The following KIF6 variants were observed in gnomAD, a reference collection of about 807,000 sequenced individuals.
KIF6 encodes kinesin-like protein KIF6.
Under a neutral mutation model 112.7 loss-of-function variants are expected in KIF6, and 106 were observed. The ratio of observed to expected loss-of-function variants is 0.94; its 90% CI spans 0.80 to 1.11. The LOEUF (loss-of-function observed/expected upper bound fraction) is 1.11. KIF6 is among the 50% of genes least tolerant of loss of function. The pLI is 0.00. For missense variants in KIF6, 929 were observed against 964.0 expected, an observed-to-expected ratio of 0.96 and a Z score of 0.48; for synonymous variants, 339 against 339.9, an observed-to-expected ratio of 1.00 and a Z score of 0.03.
intron 13 of KIF6, among the ~76,000 whole-genome samples, chr6:39,534,984 A>T (rs1778327289): frequency 6.6e-6 from 1 of 152,236 alleles, no homozygotes; most frequent in Admixed American, 6.5e-5. Flanking sequence ...TGAAGGAGAA[A>T]TAAAATACTT....
intron 10 of KIF6, among the ~76,000 whole-genome samples, chr6:39,547,700 G>T (rs1779138407): frequency 6.6e-6 from 1 of 152,124 alleles, no homozygotes; most frequent in Non-Finnish European, 1.5e-5. Context: ...TTACAAAAAT[G>T]AGATCATAGT....
chr6:39,714,782 T>C lies in KIF6; in HGVS notation c.177-16A>G, dbSNP rs1200937661. On this transcript the variant is annotated splice_polypyrimidine_tract_variant and intron_variant, in intron 2 of 22. Transcript: ENST00000287152. ...TCTTTGAAATCTGCAATGTGAAAAA[T>C]AGTAATTATTTAAAAGCTGCACCTC... 5 of 1,546,750 alleles carry C rather than the reference T, an allele frequency of 3.2e-6. No individual in the cohort carries two copies. Among genetic ancestry groups the C allele is most frequent in the South Asian group, 1.1e-5 (1 of 88,886 alleles).
At chr6:39,694,423 G>A (rs1788407495) in intron 3 of KIF6, among the ~76,000 whole-genome samples, 1 of 152,162 alleles carries the variant, frequency 6.6e-6, no homozygotes, top group Non-Finnish European at 1.5e-5. Flanking sequence ...AAACCTTAAG[G>A]ATTCTGCCGA....
At chr6:39,581,661 T>C (rs902645539) in intron 9 of KIF6, among the ~76,000 whole-genome samples, 3 of 149,814 alleles carry the variant, frequency 2.0e-5, no homozygotes, top group African/African-American at 7.3e-5. Flanking sequence ...GTGGATAGAT[T>C]TTTTTTTTTA....
chr6:39,721,850 A>T (rs1406924493), intron 1 of KIF6, among the ~76,000 whole-genome samples: 1 of 150,592 alleles, frequency 6.6e-6, no homozygotes, highest in African/African-American at 2.4e-5. Flanking sequence ...TTTTACCATG[A>T]AATAAAATTC....
chr6:39,634,037 G>T (rs116601077), intron 5 of KIF6, among the ~76,000 whole-genome samples: 10,087 of 152,180 alleles, frequency 0.066, 402 homozygotes, highest in Middle Eastern at 0.11. Context: ...TTCAAGAATT[G>T]GATAGTCCTT....
At chr6:39,504,212 C>A (rs972807329) in intron 13 of KIF6, among the ~76,000 whole-genome samples, 3 of 152,134 alleles carry the variant, frequency 2.0e-5, no homozygotes, top group African/African-American at 7.2e-5. Context: ...AAACACAAAT[C>A]AATAAATGTG....
intron 7 of KIF6, among the ~76,000 whole-genome samples, chr6:39,592,291 A>G (rs1253457879): frequency 1.3e-5 from 2 of 152,242 alleles, no homozygotes; most frequent in African/African-American, 4.8e-5. Context: ...CTTGCAATCA[A>G]TAATTCTATT....
chr6:39,725,169 C>G, intron 1 of KIF6, 76 bp downstream of exon 1: 1 of 1,303,224 alleles, frequency 7.7e-7, no homozygotes, highest in Non-Finnish European at 1.1e-6. Context: ...CTCCGCCCAG[C>G]CCCTTCGCGT....
chr6:39,437,198 G>A lies in KIF6; in HGVS notation c.1646-6037C>T, dbSNP rs991688031. Among the ~76,000 whole-genome samples the A allele has an allele frequency of 2.5e-4, 38 of 152,202 alleles. 1 individual carries two copies. Among genetic ancestry groups the A allele is most frequent in the African/African-American group, 8.4e-4 (35 of 41,544 alleles). On this transcript the variant is annotated intron_variant, in intron 13 of 22. Coordinates refer to ENST00000287152, the MANE Select transcript of KIF6 (RefSeq NM_145027.6). ...CCTTGTTGATGTAAGCAGAACTACT[G>A]ATTTGTCTACATTTATTTTGTAAAC... is the stretch of plus-strand genomic sequence containing the variant.
At chr6:39,595,903 GT>G in intron 7 of KIF6, 150 bp downstream of exon 7, 1 of 601,344 alleles carries the variant, frequency 1.7e-6, no homozygotes, top group East Asian at 2.8e-5. Flanking sequence ...ATGCCATTGA[GT>G]TGTACACTTA....
intron 8 of KIF6, 97 bp from the exon 9 acceptor site, chr6:39,585,081 C>A (rs1358582006): frequency 2.7e-6 from 2 of 731,888 alleles, no homozygotes; most frequent in Non-Finnish European, 4.7e-6. Flanking sequence ...AAGATACACA[C>A]CTAAAAAGTG....
intron 3 of KIF6, among the ~76,000 whole-genome samples, chr6:39,696,133 G>C (rs1788523543): frequency 6.6e-6 from 1 of 152,088 alleles, no homozygotes; most frequent in Non-Finnish European, 1.5e-5. Context: ...CCAAAAAGGG[G>C]GAGTGGAGGG....
Position 39,342,600 on chromosome 6 carries a change from T to A in KIF6, c.2428+1109A>T, listed in dbSNP as rs888805082. Among the ~76,000 whole-genome samples, 12 of 137,588 alleles carry A rather than the reference T, an allele frequency of 8.7e-5. No individual in the cohort carries two copies. The highest frequency in any genetic ancestry group is 1.4e-4 in the Non-Finnish European group (9 of 65,326). 90.3% of individuals were successfully genotyped at this position (137,588 alleles called of 152,430 possible). A position where few individuals can be genotyped will look rare whatever the true frequency, so the allele number is the denominator to read the frequency against. Reference sequence around the variant, plus strand: ...TTGGAGATCACTGAATCCAGTTTTTTATTTTTTTTTATTTTTTTTTATTTT... The same window carrying A: ...TTGGAGATCACTGAATCCAGTTTTTAATTTTTTTTTATTTTTTTTTATTTT... On this transcript the variant is annotated intron_variant, in intron 22 of 22. Coordinates refer to ENST00000287152, the MANE Select transcript of KIF6 (RefSeq NM_145027.6). This position sits in a 1 kb window ranked among gnomAD's most constrained non-coding sequence, Gnocchi z 4.7.
intron 16 of KIF6, among the ~76,000 whole-genome samples, chr6:39,371,467 G>A (rs919200731): frequency 1.3e-5 from 2 of 152,142 alleles, no homozygotes; most frequent in African/African-American, 2.4e-5. Context: ...ACTTCTCTGC[G>A]GGGGTCACAA....
intron 6 of KIF6, among the ~76,000 whole-genome samples, chr6:39,600,822 T>A (rs1319211755): frequency 6.6e-6 from 1 of 152,218 alleles, no homozygotes; most frequent in Non-Finnish European, 1.5e-5. Context: ...TGGTGTCAGA[T>A]AACCTGGTTT....
intron 16 of KIF6, among the ~76,000 whole-genome samples, chr6:39,374,616 C>T (rs1766283049): frequency 6.6e-6 from 1 of 152,146 alleles, no homozygotes; most frequent in African/African-American, 2.4e-5. Flanking sequence ...CCAACAGGTT[C>T]ATAAGAAAAT....
intron 13 of KIF6, among the ~76,000 whole-genome samples, chr6:39,499,058 T>C (rs554058110): frequency 1.3e-5 from 2 of 152,356 alleles, no homozygotes; most frequent in East Asian, 3.9e-4. Flanking sequence ...AAAGAATCTG[T>C]AGCCAAAAGA....
Position 39,385,610 on chromosome 6 carries a change from C to G in KIF6, c.1861+12G>C. ...CCTTCATCCTCTTCCTGCAGATTCT[C>G]TTTGTACCTACCTAGGGCTACTTGC... On this transcript the variant is annotated intron_variant, in intron 16 of 22. Coordinates refer to ENST00000287152, the MANE Select transcript of KIF6 (RefSeq NM_145027.6). 1 of 1,609,496 alleles carries G rather than the reference C, an allele frequency of 6.2e-7. No individual in the cohort carries two copies. The highest frequency in any genetic ancestry group is 8.5e-7 in the Non-Finnish European group (1 of 1,175,830).
Sources: gnomAD v4.1 joint callset for allele counts (sites outside exome capture counted in the v4.1 genomes callset) on GRCh38, gnomAD v4.1.1 for gene constraint, Gnocchi (gnomAD v3.1) non-coding constraint, MANE v1.5 for transcripts, NCBI Gene and HGNC (gene_info 2026-07-23, HGNC 2026-07-21) for gene names.